TMEM51: variants seen among roughly 807,000 people sequenced by gnomAD.
TMEM51 encodes the protein transmembrane protein 51.
A neutral mutation model predicts 13.6 loss-of-function variants in TMEM51; 8 were observed. The ratio of observed to expected loss-of-function variants is 0.59; its 90% CI spans 0.35 to 1.07. The LOEUF is 1.07. TMEM51 is among the 50% of genes least tolerant of loss of function. TMEM51 has a pLI of 0.02. For synonymous variants in TMEM51, 147 were observed against 144.4 expected (o/e 1.02, Z -0.13); for missense variants, 279 against 330.7 (o/e 0.84, Z 1.21).
At chr1:15,153,652 GC>G (rs572756990), upstream of TMEM51, 338 of 152,154 alleles carry the variant, frequency 2.2e-3, 6 homozygotes, top group African/African-American at 7.6e-3. Flanking sequence ...GGGAGGGTCG[GC>G]CGGTGGGCGG....
chr1:15,181,326 G>A (rs1205862685), intron 1 of TMEM51, among the ~76,000 whole-genome samples: 1 of 152,206 alleles, frequency 6.6e-6, no homozygotes, highest in Non-Finnish European at 1.5e-5. Flanking sequence ...AACTGAGCTG[G>A]GTGGGGCTCC....
intron 1 of TMEM51, chr1:15,191,990 C>A: frequency 1.9e-6 from 1 of 533,326 alleles, no homozygotes; most frequent in South Asian, 1.4e-5. Flanking sequence ...ACAGTCAGGT[C>A]ATCCGATGTT....
chr1:15,213,767 C>T (rs1191996265), intron 2 of TMEM51, among the ~76,000 whole-genome samples: 1 of 152,098 alleles, frequency 6.6e-6, no homozygotes, highest in Admixed American at 6.5e-5. Context: ...AGGGAGAACT[C>T]GATGTGGTTT....
chr1:15,219,163 C>A (rs1644473222), intron 3 of TMEM51, among the ~76,000 whole-genome samples, 163 bp from the exon 4 acceptor site: 1 of 152,168 alleles, frequency 6.6e-6, no homozygotes, highest in Non-Finnish European at 1.5e-5. Context: ...AGAAGGGAGC[C>A]CAGCTCATAG....
chr1:15,174,901 C>T (rs771278829), intron 1 of TMEM51, among the ~76,000 whole-genome samples: 1 of 152,122 alleles, frequency 6.6e-6, no homozygotes, highest in Non-Finnish European at 1.5e-5. Context: ...CCTCATCTAA[C>T]CTGAATTACC....
At chr1:15,171,293 G>A in intron 1 of TMEM51, 1 of 1,304,268 alleles carries the variant, frequency 7.7e-7, no homozygotes, top group Non-Finnish European at 1.0e-6. Flanking sequence ...CCAGGTCAAT[G>A]AGAGAAGCCA....
chr1:15,219,283 G>T, intron 3 of TMEM51, 43 bp from the exon 4 acceptor site: 2 of 1,525,982 alleles, frequency 1.3e-6, no homozygotes, highest in South Asian at 1.3e-5. Flanking sequence ...TGAATGACTT[G>T]AGCACAGGCT....
Position 15,161,081 on chromosome 1 carries a change from T to C in TMEM51, c.-267+7127T>C, listed in dbSNP as rs963102219. 1.1e-4 allele frequency among the ~76,000 whole-genome samples: 17 copies of C among 152,112 alleles called. No homozygotes were observed. Among genetic ancestry groups the C allele is most frequent in the Non-Finnish European group, 2.1e-4 (14 of 68,046 alleles). On this transcript the variant is annotated intron_variant, in intron 1 of 3. Transcript: ENST00000376008. This position sits in a 1 kb window ranked among gnomAD's most constrained non-coding sequence, Gnocchi z 4.0. ...CAAAGGTCTTCCTGGTGGAGGCAAC[T>C]GCCTGTGCAAAGGCCTCAAGGTGTA...
chr1:15,212,827 G>A (rs1644363707), intron 2 of TMEM51, among the ~76,000 whole-genome samples: 1 of 152,230 alleles, frequency 6.6e-6, no homozygotes, highest in Non-Finnish European at 1.5e-5. Flanking sequence ...GCATGCATAT[G>A]TACATAGGTG....
intron 1 of TMEM51, among the ~76,000 whole-genome samples, chr1:15,204,897 G>A (rs540383354): frequency 9.2e-5 from 14 of 152,158 alleles, no homozygotes; most frequent in African/African-American, 2.6e-4. Context: ...TGCCAGGGTC[G>A]GGGGGCTGCT....
chr1:15,186,656 G>T (rs1354585031), intron 1 of TMEM51, among the ~76,000 whole-genome samples: 2 of 152,220 alleles, frequency 1.3e-5, no homozygotes, highest in African/African-American at 4.8e-5. Context: ...ACCCAGGCCT[G>T]AGGGGAGTGG....
chr1:15,219,434 C>T lies in TMEM51; in HGVS notation c.453C>T (p.Asn151=). The T allele has an allele frequency of 6.2e-7, 1 of 1,614,046 alleles. No homozygotes were observed. The highest frequency in any genetic ancestry group is 8.5e-7 in the Non-Finnish European group (1 of 1,179,962). ...NYSEARGEEQ[N]PRLSISLPSY... The stretch of plus-strand genomic sequence containing the variant: ...CAGAAGCAAGGGGAGAGGAGCAGAA[C>T]CCGAGGTTGAGCATCTCTCTCCCGT... The change falls in exon 4 of 4, where the codon AAC becomes AAT. Residue 151 remains asparagine, a synonymous_variant. Transcript: ENST00000376008.
chr1:15,188,547 T>C (rs1048191038), intron 1 of TMEM51, among the ~76,000 whole-genome samples: 13 of 152,250 alleles, frequency 8.5e-5, no homozygotes, highest in East Asian at 5.8e-4. Context: ...AAGACCCTTG[T>C]TGGGAATCAC....
At chr1:15,218,675 G>A (rs1345185641) in intron 3 of TMEM51, among the ~76,000 whole-genome samples, 1 of 152,144 alleles carries the variant, frequency 6.6e-6, no homozygotes, top group African/African-American at 2.4e-5. Context: ...ACGGGAACGA[G>A]GGTGATCCCT....
At chr1:15,167,648 C>T (rs996387995) in intron 1 of TMEM51, among the ~76,000 whole-genome samples, 1 of 152,184 alleles carries the variant, frequency 6.6e-6, no homozygotes, top group African/African-American at 2.4e-5. Flanking sequence ...CAGCCAGCAC[C>T]AGGGCTATGC....
At chr1:15,181,534 T>A (rs1643616720) in intron 1 of TMEM51, among the ~76,000 whole-genome samples, 1 of 152,234 alleles carries the variant, frequency 6.6e-6, no homozygotes, top group Non-Finnish European at 1.5e-5. Context: ...CTTCGGTTCC[T>A]AACCATCTTT....
In TMEM51 at chr1:15,168,605, G is replaced by A. The variant is rs186983913; in HGVS notation, c.-267+14651G>A. On this transcript the variant is annotated intron_variant, in intron 1 of 3. Coordinates refer to ENST00000376008, the MANE Select transcript of TMEM51 (RefSeq NM_001136218.2). ...TGTGCCTGGCTGAGCCAAGAGAGAC[G>A]AAGGCCATAGAGTTCTTCAACCTTG... 5.0e-5 allele frequency: 65 copies of A among 1,304,508 alleles called. No homozygotes were observed. In the African/African-American group the frequency reaches 7.3e-4, roughly 15 times the overall value. The allele number at this position is 1,304,508 out of a possible 1,614,324, so 80.8% of individuals were successfully genotyped here.
chr1:15,184,389 C>A (rs1643709439), intron 1 of TMEM51, among the ~76,000 whole-genome samples: 1 of 152,170 alleles, frequency 6.6e-6, no homozygotes, highest in Non-Finnish European at 1.5e-5. Flanking sequence ...TGGCCAGGGA[C>A]TAGCAGAGGA....
chr1:15,161,803 C>A lies in TMEM51; in HGVS notation c.-267+7849C>A, dbSNP rs111299080. Among the ~76,000 whole-genome samples the A allele has an allele frequency of 0.017, 2,586 of 151,894 alleles. 115 individuals are homozygous for A. The highest frequency in any genetic ancestry group is 0.059 in the African/African-American group (2,426 of 41,290). Reference sequence around the variant, plus strand: ...AATTAGCCAGGCATGGTGGCGGGCACCTGTAGTCCCAGCTACTCAGGAGGC... The same window carrying A: ...AATTAGCCAGGCATGGTGGCGGGCAACTGTAGTCCCAGCTACTCAGGAGGC... On this transcript the variant is annotated intron_variant, in intron 1 of 3. Transcript: ENST00000376008. The surrounding 1 kb of genome is among the most constrained non-coding windows in gnomAD (Gnocchi z 4.0).
Sources: allele counts gnomAD v4.1 joint callset (sites outside exome capture counted in the v4.1 genomes callset), GRCh38; gene constraint gnomAD v4.1.1; non-coding constraint Gnocchi (gnomAD v3.1); transcripts MANE v1.5; gene names NCBI Gene and HGNC (gene_info 2026-07-23, HGNC 2026-07-21).